The following ALK variants were observed in gnomAD, a reference collection of about 807,000 sequenced individuals.
The protein encoded by ALK is ALK receptor tyrosine kinase.
A neutral mutation model predicts 163.1 loss-of-function variants in ALK; 74 were observed. The ratio of observed to expected loss-of-function variants is 0.45; its 90% CI spans 0.38 to 0.55. The LOEUF is 0.55. Among genes scored for constraint, ALK ranks in the 20% least tolerant of loss-of-function variants. The pLI is 0.00. For synonymous variants in ALK, 960 were observed against 843.2 expected (o/e 1.14, Z -2.40); for missense variants, 2,063 against 2,105.3 (o/e 0.98, Z 0.39).
chr2:29,786,241 C>G (rs987873701), intron 1 of ALK, among the ~76,000 whole-genome samples: 1 of 151,966 alleles, frequency 6.6e-6, no homozygotes, highest in Non-Finnish European at 1.5e-5. Flanking sequence ...CTTATATTAT[C>G]TGAAATGTCT....
chr2:29,584,376 G>T (rs1349166342), intron 3 of ALK, among the ~76,000 whole-genome samples: 1 of 152,184 alleles, frequency 6.6e-6, no homozygotes, highest in African/African-American at 2.4e-5. Flanking sequence ...GATCTTAACA[G>T]GAATTTTGCA....
intron 4 of ALK, among the ~76,000 whole-genome samples, chr2:29,421,394 C>T (rs1670012518): frequency 6.6e-6 from 1 of 151,474 alleles, no homozygotes; most frequent in African/African-American, 2.5e-5. Flanking sequence ...AATGTGTACT[C>T]ATTCATTCCA....
intron 3 of ALK, among the ~76,000 whole-genome samples, chr2:29,636,082 AG>A (rs1676517469): frequency 6.6e-6 from 1 of 152,260 alleles, no homozygotes; most frequent in African/African-American, 2.4e-5. Flanking sequence ...CTGAAAAAGA[AG>A]AATAAAGTGG....
chr2:29,723,441 T>G (rs912050056), intron 1 of ALK, among the ~76,000 whole-genome samples: 1 of 152,220 alleles, frequency 6.6e-6, no homozygotes, highest in Non-Finnish European at 1.5e-5. Context: ...CCCTTTGCCC[T>G]ATTTCTTACA....
At chr2:29,400,483 C>T (rs948184807) in intron 4 of ALK, among the ~76,000 whole-genome samples, 2 of 152,244 alleles carry the variant, frequency 1.3e-5, no homozygotes, top group South Asian at 2.1e-4. Context: ...GGCTGCTGAC[C>T]GAGGTCCCAG....
In ALK at chr2:29,209,839, G is replaced by T. The variant is rs2148155245; in HGVS notation, c.3783C>A (p.Gly1261=). ...CTCCAATCTTGGCCACTCTTCCAGG[G>T]CCTGGACAGGTCAAGAGGCAGTTTC... ...AARNCLLTCP[G]PGRVAKIGDF... Residue 1261 remains glycine, a synonymous_variant, in exon 25 of 29, where the codon GGC becomes GGA. Transcript: ENST00000389048. 1.9e-6 allele frequency: 3 copies of T among 1,614,166 alleles called. No individual in the cohort carries two copies. Among genetic ancestry groups the T allele is most frequent in the Non-Finnish European group, 2.5e-6 (3 of 1,180,022 alleles).
At chr2:29,376,925 G>A (rs1307500480) in intron 5 of ALK, among the ~76,000 whole-genome samples, 2 of 152,164 alleles carry the variant, frequency 1.3e-5, no homozygotes, top group African/African-American at 2.4e-5. Flanking sequence ...TGGAGAAGAA[G>A]GAGAGAGAGG....
chr2:29,583,430 C>T lies in ALK; in HGVS notation c.953-51314G>A, dbSNP rs575319964. On this transcript the variant is annotated intron_variant, in intron 3 of 28. Transcript: ENST00000389048. Reference sequence around the variant, plus strand: ...ATTTTGCAGCCTGTCTCTGTTAATTCAAGAGAGCTTCCCCAATGCAACCGA... The same window carrying T: ...ATTTTGCAGCCTGTCTCTGTTAATTTAAGAGAGCTTCCCCAATGCAACCGA... Among the ~76,000 whole-genome samples the T allele has an allele frequency of 2.6e-5, 4 of 152,206 alleles. No individual in the cohort carries two copies. In the South Asian group the frequency reaches 6.2e-4, roughly 24 times the overall value.
chr2:29,712,376 G>A (rs989183582), intron 2 of ALK, among the ~76,000 whole-genome samples: 1 of 152,210 alleles, frequency 6.6e-6, no homozygotes, highest in Non-Finnish European at 1.5e-5. Context: ...AAAAAGACCT[G>A]GCCTGGAAGG....
At chr2:29,314,913 G>A (rs1666789862) in intron 8 of ALK, among the ~76,000 whole-genome samples, 2 of 152,132 alleles carry the variant, frequency 1.3e-5, no homozygotes, top group African/African-American at 2.4e-5. Context: ...ACACATCCGC[G>A]GGTGTCTCAA....
rs145357902 is a variant in ALK, at chr2:29,387,177, A to G, written c.1155-3318T>C. ...CAGGGGACTGTATGGACAGCTTGTC[A>G]CAATCCATTATCTTCCCTGTGTCTC... On this transcript the variant is annotated intron_variant, in intron 4 of 28. Coordinates refer to ENST00000389048, the MANE Select transcript of ALK (RefSeq NM_004304.5). Among the ~76,000 whole-genome samples the G allele has an allele frequency of 2.0e-4, 30 of 152,288 alleles. 1 individual carries two copies. The East Asian group carries it at 5.6e-3, about 28-fold the overall frequency.
intron 5 of ALK, among the ~76,000 whole-genome samples, chr2:29,348,333 G>A (rs1418333352): frequency 6.6e-6 from 1 of 152,140 alleles, no homozygotes; most frequent in Admixed American, 6.5e-5. Flanking sequence ...CTCTGGAGAG[G>A]GTATCTTAGC....
At chr2:29,239,090 A>AT (rs1165130783) in intron 13 of ALK, among the ~76,000 whole-genome samples, 2 of 152,312 alleles carry the variant, frequency 1.3e-5, no homozygotes, top group East Asian at 1.9e-4. Context: ...GAGTTGAGAC[A>AT]TTTTTTATGC....
intron 5 of ALK, among the ~76,000 whole-genome samples, chr2:29,359,468 C>G (rs1668337882): frequency 6.6e-6 from 1 of 152,222 alleles, no homozygotes; most frequent in Admixed American, 6.5e-5. Flanking sequence ...CTCAGAAATC[C>G]TGTTCCTTCT....
intron 1 of ALK, among the ~76,000 whole-genome samples, chr2:29,773,968 G>A (rs1307478547): frequency 6.6e-6 from 1 of 152,164 alleles, no homozygotes; most frequent in Non-Finnish European, 1.5e-5. Flanking sequence ...TCAATGGAGA[G>A]CTAGTCTGTT....
At chr2:29,748,194 G>A (rs916848503) in intron 1 of ALK, among the ~76,000 whole-genome samples, 1 of 151,988 alleles carries the variant, frequency 6.6e-6, no homozygotes, top group African/African-American at 2.4e-5. Flanking sequence ...CCAGTGCTTT[G>A]CAAAGACATC....
At chr2:29,801,530 C>T (rs529840109) in intron 1 of ALK, among the ~76,000 whole-genome samples, 4 of 152,206 alleles carry the variant, frequency 2.6e-5, no homozygotes, top group Non-Finnish European at 5.9e-5. Flanking sequence ...TATTGCTGCA[C>T]GACTTTCAGC....
chr2:29,712,809 A>G (rs1169323585), intron 2 of ALK, among the ~76,000 whole-genome samples: 1 of 152,184 alleles, frequency 6.6e-6, no homozygotes, highest in Non-Finnish European at 1.5e-5. Context: ...CAAAGTTTGA[A>G]TAAAACTTTT....
chr2:29,906,762 CTAAA>C (rs1667558379), intron 1 of ALK, among the ~76,000 whole-genome samples: 1 of 152,026 alleles, frequency 6.6e-6, no homozygotes, highest in African/African-American at 2.4e-5. Context: ...ATAGTGAGGA[CTAAA>C]TAAAGCAGTC....
Sources: allele counts gnomAD v4.1 joint callset (sites outside exome capture counted in the v4.1 genomes callset), GRCh38; gene constraint gnomAD v4.1.1; transcripts MANE v1.5; gene names NCBI Gene and HGNC (gene_info 2026-07-23, HGNC 2026-07-21).